MTAP: variants seen among roughly 807,000 people sequenced by gnomAD.
The protein encoded by MTAP is S-methyl-5'-thioadenosine phosphorylase.
MTAP carries 33 observed loss-of-function variants against 33.6 expected under a neutral mutation model. That is an observed-to-expected ratio of 0.98 (90% CI 0.74 to 1.31). The LOEUF is 1.31. Ranked by LOEUF, MTAP falls within the 40% of genes most tolerant of loss-of-function variation. MTAP has a pLI of 0.00. For missense variants in MTAP, 367 were observed against 360.0 expected (o/e 1.02, Z -0.16); for synonymous variants, 148 against 125.7 (o/e 1.18, Z -1.19).
At chr9:21,823,854 A>G (rs1412006489) in intron 4 of MTAP, among the ~76,000 whole-genome samples, 1 of 152,114 alleles carries the variant, frequency 6.6e-6, no homozygotes, top group Non-Finnish European at 1.5e-5. Flanking sequence ...CATTTCATTC[A>G]TCTGATCTTC....
intron 1 of MTAP, among the ~76,000 whole-genome samples, chr9:21,903,912 C>G (rs2118816621): frequency 6.6e-6 from 1 of 152,298 alleles, no homozygotes; most frequent in Middle Eastern, 3.4e-3. Context: ...GACCCCCTTT[C>G]TTATCACAAG....
At chr9:21,920,022 A>G (rs1287209277) in intron 1 of MTAP, among the ~76,000 whole-genome samples, 1 of 151,776 alleles carries the variant, frequency 6.6e-6, no homozygotes, top group African/African-American at 2.4e-5. Flanking sequence ...ACAGAAATGT[A>G]TATGATATTA....
At chr9:21,814,897 C>T (rs1587201618) in intron 1 of MTAP, among the ~76,000 whole-genome samples, 1 of 152,306 alleles carries the variant, frequency 6.6e-6, no homozygotes, top group East Asian at 1.9e-4. Flanking sequence ...TCTGCATTCT[C>T]TCCTAGCTCT....
intron 1 of MTAP, among the ~76,000 whole-genome samples, chr9:21,888,810 A>G (rs926230376): frequency 1.3e-5 from 2 of 152,136 alleles, no homozygotes; most frequent in Admixed American, 6.6e-5. Flanking sequence ...AATTCGTCGC[A>G]AAAAGATCAT....
chr9:21,924,695 C>T (rs1219145133), intron 1 of MTAP, among the ~76,000 whole-genome samples: 3 of 152,206 alleles, frequency 2.0e-5, no homozygotes, highest in African/African-American at 7.2e-5. Context: ...CCTTTGGCCC[C>T]ATTATATCCA....
chr9:21,918,080 G>T lies in MTAP; in HGVS notation c.148-12928G>T, dbSNP rs1352011626. 1.6e-5 allele frequency among the ~76,000 whole-genome samples: 2 copies of T among 124,582 alleles called. 1 individual carries two copies. The highest frequency in any genetic ancestry group is 1.7e-4 in the Admixed American group (2 of 11,880). 81.7% of individuals were successfully genotyped at this position (124,582 alleles called of 152,430 possible). On this transcript the variant is annotated intron_variant, in intron 1 of 1. Transcript: ENST00000577563. ...TAAGAGTGATTAATGGGCCGGGCGC[G>T]GTGGCTCCGCCTGTAATCCCAGCAC...
In MTAP at chr9:21,859,250, A is replaced by G. The variant is rs777732205; in HGVS notation, c.691-53A>G. 7 of 1,561,646 alleles carry G rather than the reference A, an allele frequency of 4.5e-6. No individual in the cohort carries two copies. In the South Asian group the frequency reaches 7.4e-5, roughly 16 times the overall value. On this transcript the variant is annotated intron_variant, in intron 6 of 7. Transcript: ENST00000644715. The stretch of plus-strand genomic sequence containing the variant: ...CTGGAGCTCAGAAAAATGTTTTATG[A>G]CAAGCAGTGGAATTTTAAGTTCTAG...
chr9:21,876,884 T>A (rs570087216), intron 1 of MTAP, among the ~76,000 whole-genome samples: 4 of 151,082 alleles, frequency 2.6e-5, no homozygotes, highest in South Asian at 2.1e-4. Flanking sequence ...AAAAAAAAAA[T>A]TTCTGTGAAG....
intron 1 of MTAP, among the ~76,000 whole-genome samples, chr9:21,890,373 AGCAGGGCTTTCAG>A (rs1479576351): frequency 6.6e-6 from 1 of 152,192 alleles, no homozygotes; most frequent in East Asian, 1.9e-4. Context: ...TGAGAATTCA[AGCAGGGCTTTCAG>A]GCCCAGTCCC....
At chr9:21,939,294 A>T (rs1037173989), downstream of MTAP, among the ~76,000 whole-genome samples, 1 of 152,234 alleles carries the variant, frequency 6.6e-6, no homozygotes, top group Non-Finnish European at 1.5e-5. Context: ...GGACTAATGC[A>T]CATGGGATAA....
rs537414539 is a variant in MTAP, at chr9:21,894,927, A to G, written c.148-36081A>G. 4.6e-5 allele frequency among the ~76,000 whole-genome samples: 7 copies of G among 152,314 alleles called. No individual in the cohort carries two copies. The East Asian group carries it at 1.3e-3, about 29-fold the overall frequency. On this transcript the variant is annotated intron_variant, in intron 1 of 1. Coordinates refer to the MTAP transcript ENST00000577563. ...AATCGTGAATGCAGTCCCATTCACA[A>G]TAGCCACGAAAAGAATAAAATACCT...
At chr9:21,876,372 A>C (rs1376623307) in intron 1 of MTAP, among the ~76,000 whole-genome samples, 1 of 152,146 alleles carries the variant, frequency 6.6e-6, no homozygotes, top group African/African-American at 2.4e-5. Flanking sequence ...CTTAAGTTTA[A>C]TTAGATCACC....
chr9:21,825,922 G>A (rs1824785072), intron 4 of MTAP, among the ~76,000 whole-genome samples: 1 of 150,318 alleles, frequency 6.7e-6, no homozygotes. Flanking sequence ...TACAGCTGTT[G>A]TCCATTTATG....
At position 21,848,800 on chromosome 9, in the gene MTAP, C is replaced by T. The variant is rs114448079; in HGVS notation, c.451-5831C>T. Reference sequence around the variant, plus strand: ...TAATGTCAGATCTAACTGTGGGAACCGCAGTCACTCAACTACAAAACTTAA... The same window carrying T: ...TAATGTCAGATCTAACTGTGGGAACTGCAGTCACTCAACTACAAAACTTAA... On this transcript the variant is annotated intron_variant, in intron 5 of 7. Coordinates refer to ENST00000644715, the MANE Select transcript of MTAP (RefSeq NM_002451.4). Among the ~76,000 whole-genome samples, 894 of 152,186 alleles carry T rather than the reference C, an allele frequency of 5.9e-3. 12 individuals carry two copies. Among genetic ancestry groups the T allele is most frequent in the African/African-American group, 0.021 (855 of 41,500 alleles).
At chr9:21,802,890 T>G in intron 1 of MTAP, 109 bp downstream of exon 1, 1 of 1,494,748 alleles carries the variant, frequency 6.7e-7, no homozygotes, top group South Asian at 1.3e-5. Flanking sequence ...GTGCGTCCCT[T>G]GCCGCCGCGG....
chr9:21,887,148 A>G (rs1390672724), intron 1 of MTAP, among the ~76,000 whole-genome samples: 2 of 152,136 alleles, frequency 1.3e-5, no homozygotes, highest in African/African-American at 4.8e-5. Context: ...TTTAGGGTAC[A>G]TGTGCACAAC....
rs146884186 is a variant in MTAP at position 21,829,009 on chromosome 9, T to G, written c.348-8899T>G. On this transcript the variant is annotated intron_variant, in intron 4 of 7. Transcript: ENST00000644715. ...AGAAGATGCCTTGCATATATATCAT[T>G]CATTATGTGTTTGAACATCTCATAG... Among the ~76,000 whole-genome samples, 303 of 152,354 alleles carry G rather than the reference T, an allele frequency of 2.0e-3. 1 individual carries two copies. Among genetic ancestry groups the G allele is most frequent in the African/African-American group, 6.1e-3 (254 of 41,582 alleles).
chr9:21,831,245 A>T (rs1824959329), intron 4 of MTAP, among the ~76,000 whole-genome samples: 1 of 152,192 alleles, frequency 6.6e-6, no homozygotes, highest in Non-Finnish European at 1.5e-5. Flanking sequence ...ATTAATCCTG[A>T]TGATTGTAGG....
At position 21,912,742 on chromosome 9, in the gene MTAP, T is replaced by C. The variant is rs916553500; in HGVS notation, c.148-18266T>C. On this transcript the variant is annotated intron_variant, in intron 1 of 1. Transcript: ENST00000577563. ...TGGCACAAGACAGGGGTGCCCTCTC[T>C]CACCACTCCTATTCAACATAGTGTT... Among the ~76,000 whole-genome samples the C allele has an allele frequency of 2.1e-4, 32 of 152,310 alleles. 1 individual carries two copies. Among genetic ancestry groups the C allele is most frequent in the African/African-American group, 7.5e-4 (31 of 41,570 alleles).
Sources: gnomAD v4.1 joint callset for allele counts (sites outside exome capture counted in the v4.1 genomes callset) on GRCh38, gnomAD v4.1.1 for gene constraint, MANE v1.5 for transcripts, NCBI Gene and HGNC (gene_info 2026-07-23, HGNC 2026-07-21) for gene names.